Variants in PRKACB observed in about 807,000 individuals in gnomAD.
PRKACB encodes the protein protein kinase cAMP-activated catalytic subunit beta, also known as cAMP-dependent protein kinase catalytic subunit beta.
Under a neutral mutation model 51.4 loss-of-function variants are expected in PRKACB, and 16 were observed. The observed-to-expected ratio is 0.31, with a 90% confidence interval of 0.21 to 0.47. The LOEUF (loss-of-function observed/expected upper bound fraction) is 0.47, where lower values mean the gene tolerates loss of function less well. Ranked by LOEUF, PRKACB falls within the 20% of genes least tolerant of loss-of-function variation. The pLI, the probability that PRKACB is intolerant of heterozygous loss-of-function variation, is 1.00. For synonymous variants in PRKACB, 147 were observed against 154.4 expected, an observed-to-expected ratio of 0.95 and a Z score of 0.35; for missense variants, 309 against 464.5, an observed-to-expected ratio of 0.67 and a Z score of 3.08.
chr1:84,194,759 CCA>C (rs991273263), intron 5 of PRKACB, among the ~76,000 whole-genome samples: 4 of 151,472 alleles, frequency 2.6e-5, no homozygotes, highest in Admixed American at 6.6e-5. Flanking sequence ...ACCAAACCCT[CCA>C]CACACACACA....
chr1:84,184,177 A>G, intron 4 of PRKACB, 42 bp downstream of exon 4: 2 of 1,528,784 alleles, frequency 1.3e-6, no homozygotes, highest in Non-Finnish European at 1.8e-6. Context: ...TTCAACCTAA[A>G]TTTTTTTTAA....
rs1651857505 is a variant in PRKACB at position 84,128,528 on chromosome 1, A to T, written c.46+50157A>T. On this transcript the variant is annotated intron_variant, in intron 1 of 8. Coordinates refer to the PRKACB transcript ENST00000370688. ...ATGCTTCCAGTGTTTAGACTTTTAA[A>T]AAACGATTTGAAAAAATATGATATT... 2.6e-5 allele frequency among the ~76,000 whole-genome samples: 4 copies of T among 152,232 alleles called. No individual in the cohort carries two copies. The South Asian group carries it at 8.3e-4, about 32-fold the overall frequency.
chr1:84,082,333 CT>C (rs748254188), intron 1 of PRKACB, among the ~76,000 whole-genome samples: 1 of 152,068 alleles, frequency 6.6e-6, no homozygotes, highest in African/African-American at 2.4e-5. Context: ...TCAAACATGA[CT>C]TTATTTGGTA....
At chr1:84,220,409 G>A (rs1192547073) in intron 9 of PRKACB, among the ~76,000 whole-genome samples, 5 of 151,972 alleles carry the variant, frequency 3.3e-5, no homozygotes, top group Admixed American at 6.6e-5. Flanking sequence ...GTATTTAGAT[G>A]CCTTGCATTT....
chr1:84,102,468 GT>G (rs1264157201), intron 1 of PRKACB, among the ~76,000 whole-genome samples: 1 of 152,122 alleles, frequency 6.6e-6, no homozygotes, highest in Non-Finnish European at 1.5e-5. Context: ...GACAGTTGGG[GT>G]TTTTAGAAAT....
chr1:84,106,593 A>G lies in PRKACB; in HGVS notation c.46+28222A>G, dbSNP rs367989771. Among the ~76,000 whole-genome samples, 167 of 152,322 alleles carry G rather than the reference A, an allele frequency of 1.1e-3. 1 individual carries two copies. Among genetic ancestry groups the G allele is most frequent in the African/African-American group, 3.9e-3 (162 of 41,594 alleles). On this transcript the variant is annotated intron_variant, in intron 1 of 8. Transcript: ENST00000370688. ...ATGAAAATTACAGAACACTGCTGAA[A>G]GAAATCAGAGATGACACAGACAAGT... is the stretch of plus-strand genomic sequence containing the variant.
intron 1 of PRKACB, chr1:84,157,431 A>T (rs2100677088): frequency 6.6e-6 from 1 of 152,164 alleles, no homozygotes; most frequent in South Asian, 2.1e-4. Flanking sequence ...CATATAAATC[A>T]CTCATTATAA....
At chr1:84,204,634 G>A in intron 8 of PRKACB, 2 of 1,179,926 alleles carry the variant, frequency 1.7e-6, no homozygotes, top group East Asian at 2.8e-5. Flanking sequence ...AATCACAAAT[G>A]GAAGAAGAAT....
intron 1 of PRKACB, among the ~76,000 whole-genome samples, chr1:84,132,978 A>T (rs923521756): frequency 3.3e-5 from 5 of 152,174 alleles, no homozygotes; most frequent in Admixed American, 3.3e-4. Flanking sequence ...ATGGCCAAGA[A>T]TGTTACAAAA....
chr1:84,100,671 A>C (rs1649281024), intron 1 of PRKACB, among the ~76,000 whole-genome samples: 1 of 152,166 alleles, frequency 6.6e-6, no homozygotes, highest in Non-Finnish European at 1.5e-5. Context: ...TATGTACTTA[A>C]AACTCATCAA....
chr1:84,225,234 G>A (rs191514613), intron 9 of PRKACB, among the ~76,000 whole-genome samples: 4 of 152,194 alleles, frequency 2.6e-5, no homozygotes, highest in African/African-American at 9.6e-5. Context: ...CCCCCAAATA[G>A]CATCCAGTTG....
chr1:84,090,883 G>A (rs552286526), intron 1 of PRKACB, among the ~76,000 whole-genome samples: 34 of 152,132 alleles, frequency 2.2e-4, no homozygotes, highest in South Asian at 4.1e-4. Context: ...AAATCACATT[G>A]TACATCTTTC....
At chr1:84,101,792 A>G (rs1649369656) in intron 1 of PRKACB, among the ~76,000 whole-genome samples, 1 of 152,178 alleles carries the variant, frequency 6.6e-6, no homozygotes, top group Non-Finnish European at 1.5e-5. Context: ...TCCTAGTGCC[A>G]AATTGTAACA....
chr1:84,109,824 T>C (rs370219870), intron 1 of PRKACB, among the ~76,000 whole-genome samples: 1 of 151,990 alleles, frequency 6.6e-6, no homozygotes, highest in African/African-American at 2.4e-5. Flanking sequence ...CATTTTATGC[T>C]CATATTTCTA....
intron 1 of PRKACB, among the ~76,000 whole-genome samples, chr1:84,169,115 G>A (rs1658521770): frequency 6.6e-6 from 1 of 151,502 alleles, no homozygotes; most frequent in African/African-American, 2.4e-5. Flanking sequence ...AATTGTTCTT[G>A]AATGAATAAA....
intron 5 of PRKACB, among the ~76,000 whole-genome samples, chr1:84,187,127 C>G (rs543321856): frequency 6.6e-6 from 1 of 152,258 alleles, no homozygotes; most frequent in East Asian, 1.9e-4. Flanking sequence ...TAGCCATTGA[C>G]TAACATTTTA....
At chr1:84,213,441 A>T (rs1672424952) in intron 8 of PRKACB, among the ~76,000 whole-genome samples, 1 of 152,158 alleles carries the variant, frequency 6.6e-6, no homozygotes, top group Admixed American at 6.5e-5. Context: ...TATAAATGTT[A>T]CTTTAACCTT....
chr1:84,122,652 C>T (rs543393169), intron 1 of PRKACB, among the ~76,000 whole-genome samples: 7 of 152,092 alleles, frequency 4.6e-5, no homozygotes, highest in African/African-American at 1.2e-4. Flanking sequence ...TGTAATGTGA[C>T]GTTTACTAGT....
intron 1 of PRKACB, among the ~76,000 whole-genome samples, chr1:84,081,210 A>G (rs993074478): frequency 1.3e-5 from 2 of 152,216 alleles, no homozygotes; most frequent in Non-Finnish European, 2.9e-5. Context: ...AGTTAGGCAT[A>G]AAGATAATTT....
Sources: allele counts gnomAD v4.1 joint callset (sites outside exome capture counted in the v4.1 genomes callset), GRCh38; gene constraint gnomAD v4.1.1; transcripts MANE v1.5; gene names NCBI Gene and HGNC (gene_info 2026-07-23, HGNC 2026-07-21).